EXOC6B: variants seen among roughly 807,000 people sequenced by gnomAD.
EXOC6B encodes SEC15 homolog B.
A neutral mutation model predicts 113.5 loss-of-function variants in EXOC6B; 54 were observed. That is an observed-to-expected ratio of 0.48 (90% confidence interval 0.38 to 0.60). EXOC6B has a LOEUF of 0.60. Among genes scored for constraint, EXOC6B ranks in the 20% least tolerant of loss-of-function variants. EXOC6B has a pLI of 0.00. For missense variants in EXOC6B, 797 were observed against 977.5 expected (o/e 0.82, Z 2.46); for synonymous variants, 357 against 339.0 (o/e 1.05, Z -0.58).
At chr2:72,225,540 C>T (rs1042034063) in intron 20 of EXOC6B, among the ~76,000 whole-genome samples, 1 of 152,112 alleles carries the variant, frequency 6.6e-6, no homozygotes, top group African/African-American at 2.4e-5. Context: ...TACAAGCCTA[C>T]GTGGAGACTG....
At chr2:72,244,254 C>T (rs972838733) in intron 20 of EXOC6B, among the ~76,000 whole-genome samples, 16 of 151,972 alleles carry the variant, frequency 1.1e-4, no homozygotes, top group African/African-American at 3.9e-4. Flanking sequence ...AGAAAGATGG[C>T]TGAGAAATGC....
At chr2:72,592,884 A>G (rs1706061492) in intron 6 of EXOC6B, among the ~76,000 whole-genome samples, 1 of 152,150 alleles carries the variant, frequency 6.6e-6, no homozygotes, top group Admixed American at 6.5e-5. Context: ...TTGTGCTAAT[A>G]ACATGACTCT....
intron 16 of EXOC6B, among the ~76,000 whole-genome samples, chr2:72,485,004 A>G (rs888691799): frequency 4.6e-5 from 7 of 152,136 alleles, no homozygotes; most frequent in African/African-American, 1.7e-4. Flanking sequence ...TGCTGGGTCA[A>G]ATGTTATTTC....
chr2:72,572,704 G>T (rs1275085267), intron 7 of EXOC6B, among the ~76,000 whole-genome samples: 1 of 152,148 alleles, frequency 6.6e-6, no homozygotes, highest in Non-Finnish European at 1.5e-5. Context: ...GGTCACGAAA[G>T]ACCTTATCTG....
At chr2:72,615,286 T>C (rs970523815) in intron 6 of EXOC6B, among the ~76,000 whole-genome samples, 1 of 152,092 alleles carries the variant, frequency 6.6e-6, no homozygotes, top group Non-Finnish European at 1.5e-5. Context: ...TATGAAATCA[T>C]ACTATGCAAC....
intron 20 of EXOC6B, among the ~76,000 whole-genome samples, chr2:72,211,205 G>A (rs897470784): frequency 3.3e-5 from 5 of 152,164 alleles, no homozygotes; most frequent in African/African-American, 1.2e-4. Flanking sequence ...GTGACGTACT[G>A]ACAGGTGATC....
intron 7 of EXOC6B, among the ~76,000 whole-genome samples, chr2:72,573,948 T>C (rs1029922110): frequency 1.3e-5 from 2 of 151,854 alleles, no homozygotes; most frequent in African/African-American, 2.4e-5. Flanking sequence ...ACCCCATCTC[T>C]ACTAAAAAAT....
intron 6 of EXOC6B, among the ~76,000 whole-genome samples, chr2:72,692,447 G>T (rs1292089565): frequency 2.0e-5 from 3 of 151,500 alleles, no homozygotes; most frequent in African/African-American, 7.3e-5. Context: ...TGCCTCCCGG[G>T]TTCATGCCAT....
chr2:72,708,083 G>T (rs13399612), intron 6 of EXOC6B, among the ~76,000 whole-genome samples: 7,442 of 151,830 alleles, frequency 0.049, 608 homozygotes, highest in African/African-American at 0.17. Context: ...ATAAAACCCA[G>T]ACTAGGGAAA....
At chr2:72,343,773 T>C (rs1162670116) in intron 19 of EXOC6B, among the ~76,000 whole-genome samples, 1 of 152,140 alleles carries the variant, frequency 6.6e-6, no homozygotes, top group African/African-American at 2.4e-5. Context: ...TGATAGTTTT[T>C]TCTTCTAGTA....
chr2:72,190,456 ATG>A (rs1312147025), intron 20 of EXOC6B, among the ~76,000 whole-genome samples: 1 of 152,116 alleles, frequency 6.6e-6, no homozygotes, highest in African/African-American at 2.4e-5. Context: ...ATTTTGGGGT[ATG>A]TGAAACAATA....
At chr2:72,578,571 T>C (rs577692973) in intron 6 of EXOC6B, among the ~76,000 whole-genome samples, 1 of 152,244 alleles carries the variant, frequency 6.6e-6, no homozygotes, top group South Asian at 2.1e-4. Flanking sequence ...TAACTCATGA[T>C]GCTTCCTCTC....
At chr2:72,243,869 T>C (rs1682486281) in intron 20 of EXOC6B, among the ~76,000 whole-genome samples, 1 of 152,224 alleles carries the variant, frequency 6.6e-6, no homozygotes, top group Non-Finnish European at 1.5e-5. Flanking sequence ...CTTTAGCATG[T>C]ATCCACCTAA....
At chr2:72,477,004 C>G (rs1013409115) in intron 17 of EXOC6B, among the ~76,000 whole-genome samples, 3 of 152,100 alleles carry the variant, frequency 2.0e-5, no homozygotes, top group Non-Finnish European at 4.4e-5. Flanking sequence ...AAAGGTGGAA[C>G]CTCATCCTCT....
chr2:72,232,655 G>A (rs1214866863), intron 20 of EXOC6B, among the ~76,000 whole-genome samples: 7 of 152,154 alleles, frequency 4.6e-5, no homozygotes, highest in African/African-American at 1.7e-4. Flanking sequence ...AATAGGAGAT[G>A]CTCATAACAT....
chr2:72,631,025 T>C (rs1365364671), intron 6 of EXOC6B, among the ~76,000 whole-genome samples: 1 of 152,128 alleles, frequency 6.6e-6, no homozygotes, highest in Non-Finnish European at 1.5e-5. Context: ...AGTGCATTCA[T>C]CATGACTTTG....
intron 6 of EXOC6B, among the ~76,000 whole-genome samples, chr2:72,682,824 C>T (rs1676808034): frequency 6.6e-6 from 1 of 152,012 alleles, no homozygotes; most frequent in Non-Finnish European, 1.5e-5. Context: ...TATACTAGAC[C>T]TCCAAATCCT....
chr2:72,269,358 A>G (rs1684335639), intron 20 of EXOC6B, among the ~76,000 whole-genome samples: 1 of 152,186 alleles, frequency 6.6e-6, no homozygotes, highest in African/African-American at 2.4e-5. Context: ...AGAATTCTGA[A>G]CAGAAGTAAA....
At chr2:72,426,903 C>T (rs775365552) in intron 18 of EXOC6B, among the ~76,000 whole-genome samples, 53 of 152,220 alleles carry the variant, frequency 3.5e-4, no homozygotes, top group African/African-American at 1.2e-3. Context: ...GCAGAAATGG[C>T]GGCAGTGGGT....
Sources: gnomAD v4.1 joint callset for allele counts (sites outside exome capture counted in the v4.1 genomes callset) on GRCh38, gnomAD v4.1.1 for gene constraint, MANE v1.5 for transcripts, NCBI Gene and HGNC (gene_info 2026-07-23, HGNC 2026-07-21) for gene names.